Variants in ZNF410 observed in about 807,000 individuals in gnomAD.
ZNF410 encodes another partner for ARF 1.
In ZNF410, 18 loss-of-function variants were observed where a neutral mutation model predicts 54.8. That is an observed-to-expected ratio of 0.33 (90% CI 0.23 to 0.49). The LOEUF is 0.49. Ranked by LOEUF, ZNF410 falls within the 20% of genes least tolerant of loss-of-function variation. ZNF410 has a pLI of 0.99. For synonymous variants in ZNF410, 191 were observed against 207.3 expected (o/e 0.92, Z 0.68); for missense variants, 405 against 569.6 (o/e 0.71, Z 2.94).
chr14:73,920,969 C>T lies in ZNF410; in HGVS notation c.1004-11C>T. ...TTTTGGCTTCCTTGTTTAACCTGGT[C>T]CCTGTTTCAGGAGAGAAGCCTCATC... On this transcript the variant is annotated splice_polypyrimidine_tract_variant and intron_variant, in intron 8 of 11. Transcript: ENST00000555044. 6.2e-7 allele frequency: 1 copy of T among 1,613,714 alleles called. No homozygotes were observed. The highest frequency in any genetic ancestry group is 8.5e-7 in the Non-Finnish European group (1 of 1,179,824).
chr14:73,915,078 C>T (rs530119968), intron 8 of ZNF410, among the ~76,000 whole-genome samples: 18 of 151,172 alleles, frequency 1.2e-4, no homozygotes, highest in Middle Eastern at 3.4e-3. Context: ...GCCTGGCCAA[C>T]GTGGTGAAAC....
Position 73,894,449 on chromosome 14 carries a change from T to C in ZNF410, c.169+517T>C, listed in dbSNP as rs563042853. ...TTTTTTTTTTTTTTTTGAGATGGAG[T>C]GTCACTCTGTCGCCCAGGCTGGAGT... On this transcript the variant is annotated intron_variant, in intron 3 of 11. Coordinates refer to ENST00000555044, the MANE Select transcript of ZNF410 (RefSeq NM_021188.3). 7.5e-5 allele frequency: 51 copies of C among 682,978 alleles called. No individual in the cohort carries two copies. In the African/African-American group the frequency reaches 8.0e-4, roughly 11 times the overall value. 42.3% of individuals were successfully genotyped at this position (682,978 alleles called of 1,614,324 possible). A position where few individuals can be genotyped will look rare whatever the true frequency, so the allele number is the denominator to read the frequency against.
intron 5 of ZNF410, among the ~76,000 whole-genome samples, chr14:73,901,387 A>G (rs977128173): frequency 6.6e-6 from 1 of 151,660 alleles, no homozygotes; most frequent in African/African-American, 2.4e-5. Context: ...CCTGGCCAAC[A>G]TGATAGAACT....
intron 11 of ZNF410, 121 bp downstream of exon 11, chr14:73,923,643 C>G: frequency 1.1e-5 from 15 of 1,339,272 alleles, no homozygotes; most frequent in Non-Finnish European, 1.5e-5. Context: ...GAATATTTTC[C>G]TTTAAATTAA....
In ZNF410 at chr14:73,890,608, A is replaced by G. The variant is rs1027675478; in HGVS notation, c.-149-1419A>G. Among the ~76,000 whole-genome samples the G allele has an allele frequency of 7.2e-5, 11 of 152,228 alleles. 1 individual carries two copies. Among genetic ancestry groups the G allele is most frequent in the Non-Finnish European group, 1.6e-4 (11 of 68,040 alleles). On this transcript the variant is annotated intron_variant, in intron 1 of 11. Coordinates refer to ENST00000555044, the MANE Select transcript of ZNF410 (RefSeq NM_021188.3). Reference sequence around the variant, plus strand: ...CCATCCTGGATACATTTTACACTGTATGATTATTTGTAATAGTGCTCCCAA... The same window carrying G: ...CCATCCTGGATACATTTTACACTGTGTGATTATTTGTAATAGTGCTCCCAA...
rs2055361726 is a variant in ZNF410, at chr14:73,898,767, A to T, written c.580+505A>T. On this transcript the variant is annotated intron_variant, in intron 5 of 11. Coordinates refer to ENST00000555044, the MANE Select transcript of ZNF410 (RefSeq NM_021188.3). ...TTTAACAATTAGCTATGATGGTTTT[A>T]ATGCTTTTTCTTTTCAGTTCAGCAT... Among the ~76,000 whole-genome samples the T allele has an allele frequency of 2.0e-5, 3 of 152,344 alleles. No homozygotes were observed. The South Asian group carries it at 6.2e-4, about 32-fold the overall frequency.
At chr14:73,922,269 G>C in intron 10 of ZNF410, 63 bp downstream of exon 10, 1 of 1,530,014 alleles carries the variant, frequency 6.5e-7, no homozygotes, top group Non-Finnish European at 8.9e-7. Context: ...TAAGGAATGG[G>C]GTGTCTCCAC....
chr14:73,922,229 AT>A (rs2055767088), intron 10 of ZNF410, 23 bp downstream of exon 10: 1 of 1,607,786 alleles, frequency 6.2e-7, no homozygotes, highest in African/African-American at 1.3e-5. Context: ...ACTCTCCTTT[AT>A]TTGGGAAAAA....
intron 8 of ZNF410, among the ~76,000 whole-genome samples, chr14:73,917,221 C>T (rs553665400): frequency 6.6e-6 from 1 of 152,088 alleles, no homozygotes; most frequent in South Asian, 2.1e-4. Context: ...ATCAATTTGT[C>T]TACAGAATGA....
chr14:73,889,845 G>A (rs1044929883), intron 1 of ZNF410, among the ~76,000 whole-genome samples: 1 of 150,104 alleles, frequency 6.7e-6, no homozygotes, highest in African/African-American at 2.5e-5. Flanking sequence ...CGCCCGGGCT[G>A]GAGTACAGTG....
intron 6 of ZNF410, 62 bp from the exon 7 acceptor site, chr14:73,904,840 G>T (rs1297793685): frequency 3.9e-6 from 6 of 1,556,594 alleles, no homozygotes; most frequent in South Asian, 1.2e-5. Flanking sequence ...TAGGGGCTTT[G>T]ACTTGTCATC....
At chr14:73,902,250 T>G (rs998606783) in intron 5 of ZNF410, 4 of 151,844 alleles carry the variant, frequency 2.6e-5, no homozygotes, top group Non-Finnish European at 5.9e-5. Flanking sequence ...TTTTTTTGTA[T>G]TTTTAGTAGA....
intron 10 of ZNF410, 161 bp downstream of exon 10, chr14:73,922,367 G>T: frequency 1.4e-6 from 1 of 698,488 alleles, no homozygotes; most frequent in Non-Finnish European, 2.0e-6. Context: ...TAGTCAATCT[G>T]TTTAAAAAAA....
intron 1 of ZNF410, among the ~76,000 whole-genome samples, chr14:73,889,260 G>T (rs78497610): frequency 6.6e-6 from 1 of 151,730 alleles, no homozygotes; most frequent in Non-Finnish European, 1.5e-5. Context: ...GTGCAGCCTC[G>T]ATCTCCTGGG....
At chr14:73,900,674 C>G (rs1035516106) in intron 5 of ZNF410, among the ~76,000 whole-genome samples, 1 of 152,166 alleles carries the variant, frequency 6.6e-6, no homozygotes, top group Non-Finnish European at 1.5e-5. Flanking sequence ...CGTGCGTGGT[C>G]CCACATATAC....
rs2055143225 is a variant in ZNF410, at chr14:73,886,860, T to G, written c.-205T>G. Reference sequence around the variant, plus strand: ...TTCCGGCGGGAGCCGGAAGACGCTGTGTGTGGACGGAATTCGGGACCGACT... The same window carrying G: ...TTCCGGCGGGAGCCGGAAGACGCTGGGTGTGGACGGAATTCGGGACCGACT... On this transcript the variant is annotated 5_prime_UTR_variant, in exon 1 of 12. Coordinates refer to ENST00000555044, the MANE Select transcript of ZNF410 (RefSeq NM_021188.3). 6.5e-6 allele frequency: 1 copy of G among 152,836 alleles called. No homozygotes were observed. Among genetic ancestry groups the G allele is most frequent in the Non-Finnish European group, 1.5e-5 (1 of 68,216 alleles). 9.5% of individuals were successfully genotyped at this position (152,836 alleles called of 1,614,324 possible).
At chr14:73,900,422 T>A (rs1470891694) in intron 5 of ZNF410, among the ~76,000 whole-genome samples, 2 of 151,328 alleles carry the variant, frequency 1.3e-5, no homozygotes, top group East Asian at 3.9e-4. Context: ...TCGCCCAGGC[T>A]GGAGTGCAGC....
intron 11 of ZNF410, chr14:73,927,922 C>T (rs2055858105): frequency 6.0e-6 from 1 of 166,100 alleles, no homozygotes; most frequent in African/African-American, 2.4e-5. Flanking sequence ...ACTGCAACCT[C>T]TACCTCCTGG....
Position 73,909,348 on chromosome 14 carries a change from A to G in ZNF410, c.921A>G (p.Lys307=). ...CTCATTTTCTGTCTCTAGGAGAGAA[A>G]CCTTTCCTTTGTGAAGCCCAAGGAT... ...KNHRRIHTGE[K]PFLCEAQGCG... is the part of the protein sequence containing the mutation. The change falls in exon 8 of 12, where the codon AAA becomes AAG. Residue 307 remains lysine, a synonymous_variant. Transcript: ENST00000555044. 6.2e-7 allele frequency: 1 copy of G among 1,613,626 alleles called. No homozygotes were observed. Among genetic ancestry groups the G allele is most frequent in the Non-Finnish European group, 8.5e-7 (1 of 1,179,822 alleles).
Sources: gnomAD v4.1 joint callset for allele counts (sites outside exome capture counted in the v4.1 genomes callset) on GRCh38, gnomAD v4.1.1 for gene constraint, MANE v1.5 for transcripts, NCBI Gene and HGNC (gene_info 2026-07-23, HGNC 2026-07-21) for gene names.